DENND5B: variants seen among roughly 807,000 people sequenced by gnomAD.
The protein encoded by DENND5B is DENN domain-containing protein 5B.
In DENND5B, 34 loss-of-function variants were observed where a neutral mutation model predicts 140.6. The observed-to-expected ratio is 0.24, with a 90% CI of 0.18 to 0.32. The LOEUF (loss-of-function observed/expected upper bound fraction) is 0.32. Among genes scored for constraint, DENND5B ranks in the 10% least tolerant of loss-of-function variants. The pLI is 1.00. For missense variants in DENND5B, 1,142 were observed against 1,560.2 expected, an observed-to-expected ratio of 0.73 and a Z score of 4.52; for synonymous variants, 551 against 562.1, an observed-to-expected ratio of 0.98 and a Z score of 0.28.
At chr12:31,525,761 T>C (rs1210172427) in intron 1 of DENND5B, among the ~76,000 whole-genome samples, 1 of 152,104 alleles carries the variant, frequency 6.6e-6, no homozygotes, top group Non-Finnish European at 1.5e-5. Flanking sequence ...GAGGCTGAGA[T>C]GGGTGGATTG....
At chr12:31,448,203 G>A (rs1450553071) in intron 5 of DENND5B, among the ~76,000 whole-genome samples, 1 of 151,522 alleles carries the variant, frequency 6.6e-6, no homozygotes, top group East Asian at 1.9e-4. Context: ...GCACGATCTC[G>A]GCTCACTGCA....
rs1437400578 is a variant in DENND5B, at chr12:31,590,909, G to A, written c.-77C>T. ...CTGCGGAGGCTGCCACCACCGCTCC[G>A]GCTGTGGTCTGTGCGCCCGCCCTAG... On this transcript the variant is annotated 5_prime_UTR_variant, in exon 1 of 21. Transcript: ENST00000389082. 9 of 1,157,098 alleles carry A rather than the reference G, an allele frequency of 7.8e-6. No individual in the cohort carries two copies. The highest frequency in any genetic ancestry group is 9.6e-6 in the Non-Finnish European group (9 of 941,484). 71.7% of individuals were successfully genotyped at this position (1,157,098 alleles called of 1,614,324 possible).
chr12:31,392,526 A>G (rs1323944529), intron 18 of DENND5B, 88 bp downstream of exon 18: 1 of 1,522,006 alleles, frequency 6.6e-7, no homozygotes, highest in Admixed American at 2.3e-5. Context: ...TACAAATGAA[A>G]ATTCAAGCAC....
Position 31,479,593 on chromosome 12 carries a change from T to G in DENND5B, c.900A>C (p.Ser300=). ...VLLEMQILLY[S]QDYQRLMTVA... is the part of the protein sequence containing the mutation. ...TAAAATCCAAGGAAAACCTACCTTGTGAGTAGAGAAGGATTTGCATCTCTA... is the reference window on the plus strand; with the variant it reads ...TAAAATCCAAGGAAAACCTACCTTGGGAGTAGAGAAGGATTTGCATCTCTA... The change falls in exon 3 of 21, where the codon TCA becomes TCC. Residue 300 remains serine, a synonymous_variant. Transcript: ENST00000389082. 1 of 1,486,860 alleles carries G rather than the reference T, an allele frequency of 6.7e-7. No individual in the cohort carries two copies. The highest frequency in any genetic ancestry group is 2.3e-5 in the East Asian group (1 of 43,018). 92.1% of individuals were successfully genotyped at this position (1,486,860 alleles called of 1,614,324 possible).
chr12:31,477,594 T>C (rs527867983), intron 3 of DENND5B: 2 of 155,286 alleles, frequency 1.3e-5, no homozygotes, highest in South Asian at 4.1e-4. Flanking sequence ...TTACATAGAT[T>C]GGATTCATCA....
At chr12:31,489,570 T>C (rs1261947242) in intron 2 of DENND5B, among the ~76,000 whole-genome samples, 1 of 152,202 alleles carries the variant, frequency 6.6e-6, no homozygotes, top group African/African-American at 2.4e-5. Context: ...AGAGAAGTAT[T>C]GTAAGCAAGT....
chr12:31,522,168 G>A (rs1218977281), intron 1 of DENND5B, among the ~76,000 whole-genome samples: 2 of 152,162 alleles, frequency 1.3e-5, no homozygotes, highest in African/African-American at 2.4e-5. Context: ...CATTCTCAGT[G>A]AAAATTTCCC....
At chr12:31,538,322 GACC>G (rs1337683085) in intron 1 of DENND5B, among the ~76,000 whole-genome samples, 2 of 152,022 alleles carry the variant, frequency 1.3e-5, no homozygotes, top group African/African-American at 4.8e-5. Context: ...CATCTTCTCT[GACC>G]ACAATAGAAT....
chr12:31,463,667 A>AT lies in DENND5B; in HGVS notation c.905-3287dup, dbSNP rs558458375. Among the ~76,000 whole-genome samples, 603 of 150,040 alleles carry AT rather than the reference A, an allele frequency of 4.0e-3. 5 individuals carry two copies. The highest frequency in any genetic ancestry group is 6.9e-3 in the Middle Eastern group (2 of 290). ...GGTTGAAGTACCACACACATTATTAATTTTTTTTTTGAGATCGAGTTTTCA... is the reference window on the plus strand; with the variant it reads ...GGTTGAAGTACCACACACATTATTAATTTTTTTTTTTGAGATCGAGTTTTCA... On this transcript the variant is annotated intron_variant, in intron 3 of 20. Transcript: ENST00000389082.
chr12:31,548,885 C>G (rs1299638990), intron 1 of DENND5B, among the ~76,000 whole-genome samples: 1 of 152,098 alleles, frequency 6.6e-6, no homozygotes, highest in Non-Finnish European at 1.5e-5. Context: ...CAGAGTACTA[C>G]TGAAAGCCAA....
intron 14 of DENND5B, among the ~76,000 whole-genome samples, chr12:31,404,901 A>C (rs1287683915): frequency 6.6e-6 from 1 of 151,398 alleles, no homozygotes; most frequent in Non-Finnish European, 1.5e-5. Context: ...CTGGGATTAC[A>C]ACTGCACACC....
At chr12:31,491,642 A>G (rs1946531804) in intron 2 of DENND5B, among the ~76,000 whole-genome samples, 1 of 152,152 alleles carries the variant, frequency 6.6e-6, no homozygotes, top group African/African-American at 2.4e-5. Flanking sequence ...TAATACATAC[A>G]TTGACTGTTT....
At chr12:31,412,324 C>A (rs1025094200) in intron 13 of DENND5B, among the ~76,000 whole-genome samples, 1 of 152,154 alleles carries the variant, frequency 6.6e-6, no homozygotes, top group African/African-American at 2.4e-5. Flanking sequence ...TGACTGGTTT[C>A]CCGGCTCTAA....
At chr12:31,563,871 C>T (rs952886170) in intron 1 of DENND5B, among the ~76,000 whole-genome samples, 2 of 152,184 alleles carry the variant, frequency 1.3e-5, no homozygotes, top group African/African-American at 4.8e-5. Context: ...AATCCCAGCA[C>T]TTTGGGAGGC....
intron 6 of DENND5B, chr12:31,444,071 G>C (rs1593180010): frequency 6.6e-6 from 1 of 152,104 alleles, no homozygotes; most frequent in African/African-American, 2.4e-5. Flanking sequence ...GAATTGTCAA[G>C]AGAAAATATA....
intron 2 of DENND5B, 27 bp downstream of exon 2, chr12:31,495,783 G>A (rs768194913): frequency 6.7e-7 from 1 of 1,494,316 alleles, no homozygotes; most frequent in Non-Finnish European, 9.1e-7. Flanking sequence ...AGGCTAAAGA[G>A]TAAATGAGGG....
rs541518296 is a variant in DENND5B, at chr12:31,395,620, CA to C, written c.3256+2554del. ...AACAAAACAAAACAAAACAAAAAAACAAAAAAACTGCACTCATAGTTAATAC... is the reference window on the plus strand; with the variant it reads ...AACAAAACAAAACAAAACAAAAAAACAAAAAACTGCACTCATAGTTAATAC... On this transcript the variant is annotated intron_variant, in intron 17 of 20. Coordinates refer to ENST00000389082, the MANE Select transcript of DENND5B (RefSeq NM_144973.4). Among the ~76,000 whole-genome samples the C allele has an allele frequency of 3.6e-3, 543 of 151,908 alleles. 2 individuals are homozygous for C. The highest frequency in any genetic ancestry group is 0.013 in the African/African-American group (523 of 41,454).
chr12:31,480,243 T>A lies in DENND5B; in HGVS notation c.250A>T (p.Lys84Ter). The change falls in exon 3 of 21, where the codon AAA becomes TAA. Residue 84 changes from lysine (K) to a stop codon, truncating the protein, a stop_gained. Transcript: ENST00000389082. LOFTEE classifies it high-confidence loss of function. Reference protein sequence around the residue: ...QDAVNMLCMPKGLSFRTQTDN... With the variant: ...QDAVNMLCMP Reference sequence around the variant, plus strand: ...GTTTGTGTCCTGAAAGATAGCCCTTTAGGCATGCACAACTGTGAAAGAAAG... The same window carrying A: ...GTTTGTGTCCTGAAAGATAGCCCTTAAGGCATGCACAACTGTGAAAGAAAG... 6.4e-7 allele frequency: 1 copy of A among 1,571,674 alleles called. No individual in the cohort carries two copies. The highest frequency in any genetic ancestry group is 8.6e-7 in the Non-Finnish European group (1 of 1,160,560).
chr12:31,503,139 T>C (rs1947074050), intron 1 of DENND5B, among the ~76,000 whole-genome samples: 1 of 152,340 alleles, frequency 6.6e-6, no homozygotes, highest in South Asian at 2.1e-4. Flanking sequence ...TAATTAAATA[T>C]ATACTACAGG....
Sources: allele counts gnomAD v4.1 joint callset (sites outside exome capture counted in the v4.1 genomes callset), GRCh38; gene constraint gnomAD v4.1.1; transcripts MANE v1.5; gene names NCBI Gene and HGNC (gene_info 2026-07-23, HGNC 2026-07-21).